Variants in BCKDHB observed in about 807,000 individuals in gnomAD.
BCKDHB encodes 2-oxoisovalerate dehydrogenase subunit beta, mitochondrial.
Under a neutral mutation model 48.5 loss-of-function variants are expected in BCKDHB, and 41 were observed. That is an observed-to-expected ratio of 0.85 (90% CI 0.66 to 1.10). The LOEUF is 1.10. Ranked by LOEUF, BCKDHB falls within the 50% of genes least tolerant of loss-of-function variation. The pLI, the probability that BCKDHB is intolerant of heterozygous loss-of-function variation, is 0.00. For synonymous variants in BCKDHB, 201 were observed against 174.8 expected (o/e 1.15, Z -1.18); for missense variants, 496 against 494.2 (o/e 1.00, Z -0.03).
chr6:80,400,096 A>G, the BCKDHB span, among the ~76,000 whole-genome samples: 512 of 152,230 alleles, frequency 3.4e-3, 3 homozygotes, highest in Admixed American at 4.7e-3. Flanking sequence ...TAGATTAAAG[A>G]CTTAAAAATA....
chr6:80,322,703 C>T (rs1176171040), intron 9 of BCKDHB, among the ~76,000 whole-genome samples: 1 of 152,028 alleles, frequency 6.6e-6, no homozygotes, highest in East Asian at 1.9e-4. Context: ...AAATAGCATG[C>T]ATCAAGAATA....
At chr6:80,434,539 T>C in the BCKDHB span, among the ~76,000 whole-genome samples, 3 of 152,128 alleles carry the variant, frequency 2.0e-5, no homozygotes, top group South Asian at 6.2e-4. Flanking sequence ...ATGTTAGATA[T>C]TGTGAATTTT....
intron 1 of BCKDHB, among the ~76,000 whole-genome samples, chr6:80,112,915 T>C (rs571851316): frequency 1.4e-4 from 22 of 152,350 alleles, no homozygotes; most frequent in Admixed American, 3.3e-4. Context: ...AGCATACTTA[T>C]GATTTGATAA....
chr6:80,437,684 C>A, the BCKDHB span, among the ~76,000 whole-genome samples: 1 of 152,130 alleles, frequency 6.6e-6, no homozygotes, highest in East Asian at 1.9e-4. Context: ...AGACTAATTT[C>A]TTTGATGCTC....
At chr6:80,196,782 A>G (rs1182294809) in intron 6 of BCKDHB, among the ~76,000 whole-genome samples, 4 of 152,194 alleles carry the variant, frequency 2.6e-5, no homozygotes, top group Non-Finnish European at 2.9e-5. Context: ...GCAAATTCAC[A>G]GCATGAATCT....
intron 9 of BCKDHB, chr6:80,307,980 G>A: frequency 1.1e-6 from 1 of 919,746 alleles, no homozygotes; most frequent in Non-Finnish European, 1.3e-6. Flanking sequence ...GCCAGATACT[G>A]CAAAGAATTC....
At chr6:80,404,958 C>A in the BCKDHB span, among the ~76,000 whole-genome samples, 1 of 152,032 alleles carries the variant, frequency 6.6e-6, no homozygotes, top group African/African-American at 2.4e-5. Flanking sequence ...TGTGGCCTGC[C>A]GTATGATCTA....
intron 8 of BCKDHB, among the ~76,000 whole-genome samples, chr6:80,253,135 G>T (rs1195239365): frequency 6.6e-6 from 1 of 152,184 alleles, no homozygotes. Flanking sequence ...GTAGAGCTGT[G>T]CCAAGACAGG....
chr6:80,236,229 A>G (rs996325859), intron 8 of BCKDHB, among the ~76,000 whole-genome samples: 2 of 152,178 alleles, frequency 1.3e-5, no homozygotes, highest in Admixed American at 1.3e-4. Flanking sequence ...TAATGAATGC[A>G]TTACATATAT....
At chr6:80,435,928 G>A in the BCKDHB span, among the ~76,000 whole-genome samples, 1 of 152,260 alleles carries the variant, frequency 6.6e-6, no homozygotes, top group South Asian at 2.1e-4. Context: ...AGCTGCTCAG[G>A]AGGCTGAGGT....
chr6:80,171,324 T>G lies in BCKDHB; in HGVS notation c.676T>G (p.Leu226Val). 1 of 1,609,180 alleles carries G rather than the reference T, an allele frequency of 6.2e-7. No individual in the cohort carries two copies. Among genetic ancestry groups the G allele is most frequent in the Non-Finnish European group, 8.5e-7 (1 of 1,177,914 alleles). Residue 226 changes from leucine (L) to valine (V), a missense_variant, in exon 6 of 10, where the codon TTG (leucine) becomes GTG (valine). By Grantham distance (32) the Leu-to-Val change is conservative. Coordinates refer to ENST00000320393, the MANE Select transcript of BCKDHB (RefSeq NM_183050.4). Reference sequence around the variant, plus strand: ...CCCTTTCCAGGCCAAAGGACTTCTTTTGTCATGCATAGAGGATAAAAATCC... The same window carrying G: ...CCCTTTCCAGGCCAAAGGACTTCTTGTGTCATGCATAGAGGATAAAAATCC... ...RSPFQAKGLL[L>V]SCIEDKNPCI... is the part of the protein sequence containing the mutation.
chr6:80,140,940 C>T (rs1771172624), intron 3 of BCKDHB, among the ~76,000 whole-genome samples: 1 of 151,984 alleles, frequency 6.6e-6, no homozygotes, highest in African/African-American at 2.4e-5. Flanking sequence ...GTCCTGGACT[C>T]TTTTTGGTTG....
chr6:80,212,690 T>C (rs1774994200), intron 8 of BCKDHB, among the ~76,000 whole-genome samples: 1 of 152,216 alleles, frequency 6.6e-6, no homozygotes, highest in Admixed American at 6.5e-5. Context: ...AAAAGTATTA[T>C]TTGGGAACTG....
At chr6:80,159,677 T>C (rs904348107) in intron 3 of BCKDHB, among the ~76,000 whole-genome samples, 1 of 152,238 alleles carries the variant, frequency 6.6e-6, no homozygotes, top group Non-Finnish European at 1.5e-5. Context: ...TCACAACATA[T>C]TCTATCAAGT....
intron 8 of BCKDHB, among the ~76,000 whole-genome samples, chr6:80,260,139 GC>G (rs1440361568): frequency 1.3e-5 from 2 of 151,966 alleles, no homozygotes; most frequent in Admixed American, 1.3e-4. Flanking sequence ...CACTCTCACC[GC>G]TAGTTGCCTG....
chr6:80,195,485 A>C (rs1774089727), intron 6 of BCKDHB, among the ~76,000 whole-genome samples: 1 of 152,208 alleles, frequency 6.6e-6, no homozygotes, highest in Non-Finnish European at 1.5e-5. Context: ...AGAAAATGAC[A>C]GTTGTAATAT....
intron 9 of BCKDHB, among the ~76,000 whole-genome samples, chr6:80,328,176 G>T (rs1198532109): frequency 6.6e-6 from 1 of 152,118 alleles, no homozygotes; most frequent in African/African-American, 2.4e-5. Context: ...ACTAGATTTT[G>T]CAGGTAAACT....
the BCKDHB span, among the ~76,000 whole-genome samples, chr6:80,422,591 C>G: frequency 2.0e-5 from 3 of 152,186 alleles, no homozygotes; most frequent in Admixed American, 6.5e-5. Context: ...TGCAGAGACA[C>G]AGTAGTGCAG....
chr6:80,119,613 A>C (rs956251439), intron 1 of BCKDHB, among the ~76,000 whole-genome samples: 4 of 152,166 alleles, frequency 2.6e-5, no homozygotes, highest in African/African-American at 9.7e-5. Context: ...GTGAGCCATC[A>C]CGCCTGGCCA....
Sources: allele counts gnomAD v4.1 joint callset (sites outside exome capture counted in the v4.1 genomes callset), GRCh38; gene constraint gnomAD v4.1.1; transcripts MANE v1.5; gene names NCBI Gene and HGNC (gene_info 2026-07-23, HGNC 2026-07-21).